IGHMBP2: variants seen among roughly 807,000 people sequenced by gnomAD.
IGHMBP2 encodes the protein immunoglobulin mu DNA binding protein 2.
Under a neutral mutation model 96.0 loss-of-function variants are expected in IGHMBP2, and 81 were observed. That is an observed-to-expected ratio of 0.84 (90% confidence interval 0.71 to 1.01). IGHMBP2 has a LOEUF of 1.01. Among genes scored for constraint, IGHMBP2 ranks in the 50% least tolerant of loss-of-function variants. The pLI is 0.00. For missense variants in IGHMBP2, 1,227 were observed against 1,306.3 expected (o/e 0.94, Z 0.94); for synonymous variants, 557 against 548.9 (o/e 1.01, Z -0.21).
At chr11:68,909,086 G>A (rs1028268430) in intron 4 of IGHMBP2, among the ~76,000 whole-genome samples, 6 of 148,818 alleles carry the variant, frequency 4.0e-5, no homozygotes, top group East Asian at 2.0e-4. Flanking sequence ...TGATCCACCC[G>A]CCTTGGCCTC....
At chr11:68,916,744 C>T (rs1037794494) in intron 6 of IGHMBP2, among the ~76,000 whole-genome samples, 4 of 152,036 alleles carry the variant, frequency 2.6e-5, no homozygotes, top group South Asian at 2.1e-4. Flanking sequence ...GGGGATGGGC[C>T]GCCTGCTGGG....
chr11:68,928,486 G>A (rs1859152649), intron 7 of IGHMBP2, among the ~76,000 whole-genome samples: 1 of 152,240 alleles, frequency 6.6e-6, no homozygotes, highest in African/African-American at 2.4e-5. Flanking sequence ...AAGGCAGAAA[G>A]GGTGGGAACT....
chr11:68,913,414 C>G (rs762993663), intron 5 of IGHMBP2, among the ~76,000 whole-genome samples: 5 of 152,002 alleles, frequency 3.3e-5, no homozygotes, highest in Admixed American at 3.3e-4. Flanking sequence ...GCTGAGCCTC[C>G]TTCCTGAGCT....
rs763774505 is a variant in IGHMBP2 at position 68,933,430 on chromosome 11, T to G, written c.1367T>G (p.Met456Arg). The change falls in exon 9 of 15, where the codon ATG becomes AGG. Residue 456 changes from methionine (M) to arginine (R), a missense_variant. Met to Arg is a moderately conservative substitution (Grantham distance 91). Transcript: ENST00000255078. Reference sequence around the variant, plus strand: ...ATCATGCGCTGGGCCTCAGACACCATGTACCTTGGGCAGCTCACAGCCCAC... The same window carrying G: ...ATCATGCGCTGGGCCTCAGACACCAGGTACCTTGGGCAGCTCACAGCCCAC... ...QAIMRWASDT[M>R]YLGQLTAHSS... 1.2e-6 allele frequency: 2 copies of G among 1,613,346 alleles called. No individual in the cohort carries two copies. Among genetic ancestry groups the G allele is most frequent in the Non-Finnish European group, 8.5e-7 (1 of 1,179,944 alleles).
At chr11:68,904,256 A>C (rs1410459945) in intron 1 of IGHMBP2, among the ~76,000 whole-genome samples, 2 of 152,120 alleles carry the variant, frequency 1.3e-5, no homozygotes, top group African/African-American at 4.8e-5. Flanking sequence ...CTTAAGAAGC[A>C]CTTTGATTTC....
At chr11:68,925,094 C>CCACAACCT (rs1411764698) in intron 7 of IGHMBP2, among the ~76,000 whole-genome samples, 1 of 151,850 alleles carries the variant, frequency 6.6e-6, no homozygotes, top group Admixed American at 6.6e-5. Flanking sequence ...AGTCTGTTTG[C>CCACAACCT]CACAACCTCT....
intron 7 of IGHMBP2, 151 bp from the exon 8 acceptor site, chr11:68,929,032 C>T (rs1437518687): frequency 2.5e-6 from 2 of 802,876 alleles, no homozygotes; most frequent in Non-Finnish European, 4.2e-6. Context: ...AATGTCTTGG[C>T]CAAGTTTTTA....
intron 7 of IGHMBP2, among the ~76,000 whole-genome samples, chr11:68,918,800 C>T (rs1007715898): frequency 5.3e-5 from 8 of 152,080 alleles, no homozygotes; most frequent in East Asian, 3.9e-4. Flanking sequence ...CCACCGCGCC[C>T]GGCCTGGCTG....
In IGHMBP2 at chr11:68,936,692, G is replaced by A. The variant is rs756697142; in HGVS notation, c.2212G>A (p.Ala738Thr). Residue 738 changes from alanine to threonine, a missense_variant, in exon 13 of 15, where the codon GCC becomes ACC. By Grantham distance (58) the Ala-to-Thr change is moderately conservative. This residue lies in a region of IGHMBP2 where 703 missense variants were observed against 770.3 expected (regional missense o/e 0.91). Transcript: ENST00000255078. ...HFRAMIVEFMASKKMQLEFPP... is the reference protein window; with the variant it reads ...HFRAMIVEFMTSKKMQLEFPP... ...CCGGGCCATGATAGTGGAGTTCATG[G>A]CCAGCAAGAAGATGCAGTTGGAGTT... 8 of 1,614,082 alleles carry A rather than the reference G, an allele frequency of 5.0e-6. No individual in the cohort carries two copies. Among genetic ancestry groups the A allele is most frequent in the South Asian group, 2.2e-5 (2 of 91,082 alleles).
intron 2 of IGHMBP2, chr11:68,906,505 G>C (rs1021998020): frequency 8.6e-5 from 39 of 453,290 alleles, no homozygotes; most frequent in African/African-American, 6.1e-4. Context: ...ACCAAATTTG[G>C]AAGATTATGT....
chr11:68,935,105 A>G (rs753980370), intron 11 of IGHMBP2, among the ~76,000 whole-genome samples, 194 bp from the exon 12 acceptor site: 1 of 152,234 alleles, frequency 6.6e-6, no homozygotes, highest in Non-Finnish European at 1.5e-5. Context: ...TGCCAGGGAC[A>G]GGGTGTGGTA....
At chr11:68,908,412 C>T in intron 3 of IGHMBP2, 75 bp downstream of exon 3, 1 of 1,507,120 alleles carries the variant, frequency 6.6e-7, no homozygotes, top group Non-Finnish European at 9.2e-7. Flanking sequence ...ATGCCTGTCG[C>T]ACAAAAGAGA....
At chr11:68,925,758 C>A (rs1266940298) in intron 7 of IGHMBP2, among the ~76,000 whole-genome samples, 1 of 152,260 alleles carries the variant, frequency 6.6e-6, no homozygotes, top group East Asian at 1.9e-4. Flanking sequence ...TCTTTCAGCC[C>A]TTTGGACGTG....
At chr11:68,928,623 A>G (rs143809012) in intron 7 of IGHMBP2, among the ~76,000 whole-genome samples, 32 of 152,292 alleles carry the variant, frequency 2.1e-4, no homozygotes, top group Admixed American at 9.8e-4. Flanking sequence ...AAACAGGCTT[A>G]GGGGTGGGAG....
chr11:68,931,550 T>A (rs773712808), intron 8 of IGHMBP2, among the ~76,000 whole-genome samples: 1 of 152,118 alleles, frequency 6.6e-6, no homozygotes, highest in Non-Finnish European at 1.5e-5. Flanking sequence ...GCAGGAGGCC[T>A]GGGTCTGTAG....
At position 68,936,424 on chromosome 11, in the gene IGHMBP2, A is replaced by T. The variant is rs1282635733; in HGVS notation, c.1944A>T (p.Pro648=). The change falls in exon 13 of 15, where the codon CCA becomes CCT. Residue 648 remains proline (P), a synonymous_variant. Transcript: ENST00000255078. ...TTGAGTATCTTGACGATATTGTCCC[A>T]GAAAACTATTCCCATGAGAACTCCC... is the stretch of plus-strand genomic sequence containing the variant. ...TAFEYLDDIV[P]ENYSHENSQG... 6.2e-7 allele frequency: 1 copy of T among 1,614,160 alleles called. No homozygotes were observed. Among genetic ancestry groups the T allele is most frequent in the Non-Finnish European group, 8.5e-7 (1 of 1,180,022 alleles).
At chr11:68,935,809 G>C (rs1859504602) in intron 12 of IGHMBP2, among the ~76,000 whole-genome samples, 1 of 152,224 alleles carries the variant, frequency 6.6e-6, no homozygotes, top group Non-Finnish European at 1.5e-5. Context: ...TTTCCCATTT[G>C]GGATGAGCAT....
chr11:68,927,788 C>G (rs1479007575), intron 7 of IGHMBP2, among the ~76,000 whole-genome samples: 2 of 152,230 alleles, frequency 1.3e-5, no homozygotes, highest in Non-Finnish European at 2.9e-5. Context: ...GATTCCCAGA[C>G]AGATGAGATA....
At chr11:68,912,029 A>G (rs994492132) in intron 5 of IGHMBP2, among the ~76,000 whole-genome samples, 4 of 152,384 alleles carry the variant, frequency 2.6e-5, no homozygotes, top group South Asian at 2.1e-4. Context: ...AGTCTGGTTA[A>G]TGGATACGAT....
Sources: gnomAD v4.1 joint callset for allele counts (sites outside exome capture counted in the v4.1 genomes callset) on GRCh38, gnomAD v4.1.1 for gene constraint, gnomAD v4.1.1 regional missense constraint, MANE v1.5 for transcripts, NCBI Gene and HGNC (gene_info 2026-07-23, HGNC 2026-07-21) for gene names.